Variants in TRPC1 observed in about 807,000 individuals in gnomAD.
TRPC1 encodes short transient receptor potential channel 1.
Under a neutral mutation model 88.2 loss-of-function variants are expected in TRPC1, and 42 were observed. The ratio of observed to expected loss-of-function variants is 0.48; its 90% CI spans 0.37 to 0.62. The LOEUF is 0.62. TRPC1 is among the 20% of genes least tolerant of loss of function. The pLI, the probability that TRPC1 is intolerant of heterozygous loss-of-function variation, is 0.00. For missense variants in TRPC1, 699 were observed against 957.3 expected (o/e 0.73, Z 3.56); for synonymous variants, 288 against 331.8 (o/e 0.87, Z 1.43).
rs1936813568 is a variant in TRPC1, at chr3:142,806,982, C to T, written c.*747C>T. On this transcript the variant is annotated 3_prime_UTR_variant, in exon 13 of 13. Transcript: ENST00000476941. ...TTATATAGTTTTTGAAAAATACAGT[C>T]AGTAGATGTTTTATTTTTTAGCTAT... The T allele has an allele frequency of 6.6e-6, 1 of 151,806 alleles. No individual in the cohort carries two copies. Among genetic ancestry groups the T allele is most frequent in the African/African-American group, 2.4e-5 (1 of 41,336 alleles). 9.4% of individuals were successfully genotyped at this position (151,806 alleles called of 1,614,324 possible). A position where few individuals can be genotyped will look rare whatever the true frequency, so the allele number is the denominator to read the frequency against.
intron 4 of TRPC1, among the ~76,000 whole-genome samples, chr3:142,765,118 TA>T (rs927180910): frequency 4.0e-5 from 6 of 150,254 alleles, no homozygotes; most frequent in East Asian, 2.0e-4. Context: ...ACTCAGGAGG[TA>T]AAAAAAAATC....
chr3:142,761,190 T>C (rs1364126063), intron 4 of TRPC1, among the ~76,000 whole-genome samples: 1 of 152,184 alleles, frequency 6.6e-6, no homozygotes. Context: ...AGGCCTTCAA[T>C]TTTTCCCTGT....
intron 4 of TRPC1, among the ~76,000 whole-genome samples, chr3:142,763,722 G>A (rs957324674): frequency 3.3e-5 from 5 of 151,324 alleles, no homozygotes; most frequent in African/African-American, 1.2e-4. Context: ...TTTATTGCTT[G>A]TTTTCTCCTT....
intron 9 of TRPC1, among the ~76,000 whole-genome samples, chr3:142,794,153 A>G (rs536828859): frequency 1.3e-5 from 2 of 152,286 alleles, no homozygotes; most frequent in South Asian, 2.1e-4. Flanking sequence ...AGTAAGCCAT[A>G]GAAACACTGG....
intron 7 of TRPC1, 51 bp downstream of exon 7, chr3:142,785,091 T>C (rs1218119598): frequency 6.9e-7 from 1 of 1,451,802 alleles, no homozygotes; most frequent in African/African-American, 1.4e-5. Flanking sequence ...GCCCACTGAT[T>C]CTTTCTTGAT....
At chr3:142,756,625 CT>C (rs1934976999) in intron 4 of TRPC1, among the ~76,000 whole-genome samples, 1 of 152,260 alleles carries the variant, frequency 6.6e-6, no homozygotes, top group South Asian at 2.1e-4. Flanking sequence ...TCCCAAAGTG[CT>C]GGGACTACAG....
chr3:142,795,623 A>G lies in TRPC1; in HGVS notation c.1581+2656A>G, dbSNP rs560885880. Among the ~76,000 whole-genome samples the G allele has an allele frequency of 3.9e-5, 6 of 152,164 alleles. No homozygotes were observed. In the East Asian group the frequency reaches 9.7e-4, roughly 24 times the overall value. ...AACCTGGAGTTCTCTACCTAGCAAA[A>G]TATCATTCAAAAATGAAGGTAAAAT... On this transcript the variant is annotated intron_variant, in intron 9 of 12. Coordinates refer to ENST00000476941, the MANE Select transcript of TRPC1 (RefSeq NM_001251845.2).
At chr3:142,801,938 G>GT (rs1487744276) in intron 9 of TRPC1, among the ~76,000 whole-genome samples, 1 of 151,978 alleles carries the variant, frequency 6.6e-6, no homozygotes, top group East Asian at 1.9e-4. Context: ...CCTGATCCAG[G>GT]TTCTAGGAAC....
intron 9 of TRPC1, among the ~76,000 whole-genome samples, chr3:142,795,208 G>A (rs924679621): frequency 6.6e-6 from 1 of 152,044 alleles, no homozygotes; most frequent in African/African-American, 2.4e-5. Flanking sequence ...AAGAGTATCT[G>A]TGAACTTTGG....
intron 9 of TRPC1, chr3:142,793,889 G>C: frequency 1.0e-6 from 1 of 985,298 alleles, no homozygotes; most frequent in South Asian, 4.7e-5. Flanking sequence ...TTAGGCTTGT[G>C]CTGTCATCCA....
intron 10 of TRPC1, among the ~76,000 whole-genome samples, chr3:142,803,755 G>T (rs139423554): frequency 0.021 from 3,226 of 152,306 alleles, 48 homozygotes; most frequent in Middle Eastern, 0.051. Context: ...AAGAAAGGCA[G>T]CAAGGGGTTA....
intron 1 of TRPC1, among the ~76,000 whole-genome samples, chr3:142,733,475 T>TC (rs1178715608): frequency 6.6e-6 from 1 of 152,162 alleles, no homozygotes; most frequent in Non-Finnish European, 1.5e-5. Context: ...GGTGCCATTG[T>TC]ACTCCTCCAG....
At chr3:142,781,493 AGATACTATATTTCCT>A (rs1194995483) in intron 6 of TRPC1, among the ~76,000 whole-genome samples, 6 of 152,142 alleles carry the variant, frequency 3.9e-5, no homozygotes, top group Non-Finnish European at 7.4e-5. Context: ...ATAAAGTATC[AGATACTATATTTCCT>A]GATTCCTCTT....
intron 4 of TRPC1, among the ~76,000 whole-genome samples, chr3:142,754,096 A>G (rs888786892): frequency 4.6e-5 from 7 of 151,074 alleles, no homozygotes; most frequent in African/African-American, 1.7e-4. Flanking sequence ...TCTCAAAAAA[A>G]AAAAAAAAAA....
chr3:142,732,445 G>A (rs150036399), intron 1 of TRPC1, among the ~76,000 whole-genome samples: 1 of 152,258 alleles, frequency 6.6e-6, no homozygotes, highest in East Asian at 1.9e-4. Context: ...ATGGGCCAAG[G>A]TGGAGGCCTT....
chr3:142,797,767 G>A (rs1936497660), intron 9 of TRPC1, among the ~76,000 whole-genome samples: 1 of 151,994 alleles, frequency 6.6e-6, no homozygotes, highest in Non-Finnish European at 1.5e-5. Flanking sequence ...AAATGTTTAG[G>A]TCCATTTTTT....
chr3:142,755,902 T>A (rs546922605), intron 4 of TRPC1, among the ~76,000 whole-genome samples: 17 of 152,338 alleles, frequency 1.1e-4, no homozygotes, highest in African/African-American at 4.1e-4. Context: ...GCCTGTTCAT[T>A]CATGGTCAAT....
Position 142,791,031 on chromosome 3 carries a change from C to A in TRPC1, c.1310C>A (p.Ser437Ter). 6.3e-7 allele frequency: 1 copy of A among 1,591,986 alleles called. No individual in the cohort carries two copies. Among genetic ancestry groups the A allele is most frequent in the South Asian group, 1.2e-5 (1 of 85,442 alleles). The change falls in exon 8 of 13, where the codon TCA becomes TAA. Residue 437 changes from serine (S) to a stop codon, truncating the protein, a stop_gained. Transcript: ENST00000476941. LOFTEE classifies it high-confidence loss of function. ...LILWIIGMIW[S>*]DIKRLWYEGL... ...TTCCTTTTCTCAGGGATGATTTGGT[C>A]AGACATTAAAAGACTCTGGTATGAA...
At chr3:142,729,834 G>A (rs1425430112) in intron 1 of TRPC1, among the ~76,000 whole-genome samples, 3 of 152,106 alleles carry the variant, frequency 2.0e-5, no homozygotes, top group Non-Finnish European at 4.4e-5. Context: ...ATGACTTTTA[G>A]GAGCCTAGAT....
Sources: gnomAD v4.1 joint callset for allele counts (sites outside exome capture counted in the v4.1 genomes callset) on GRCh38, gnomAD v4.1.1 for gene constraint, MANE v1.5 for transcripts, NCBI Gene and HGNC (gene_info 2026-07-23, HGNC 2026-07-21) for gene names.